Variants in NFATC1 observed in about 807,000 individuals in gnomAD.
NFATC1 encodes nuclear factor of activated T-cells, cytoplasmic 1.
A neutral mutation model predicts 76.0 loss-of-function variants in NFATC1; 22 were observed. That is an observed-to-expected ratio of 0.29 (90% CI 0.21 to 0.41). The LOEUF (loss-of-function observed/expected upper bound fraction) is 0.41. Ranked by LOEUF, NFATC1 falls within the 10% of genes least tolerant of loss-of-function variation. NFATC1 has a pLI of 1.00. For missense variants in NFATC1, 1,357 were observed against 1,337.7 expected (o/e 1.01, Z -0.23); for synonymous variants, 704 against 613.1 (o/e 1.15, Z -2.19).
At chr18:79,464,707 T>TATATATA (rs1568994833) in intron 7 of NFATC1, among the ~76,000 whole-genome samples, 2 of 117,316 alleles carry the variant, frequency 1.7e-5, no homozygotes, top group African/African-American at 8.4e-5. Context: ...TATTTATTTA[T>TATATATA]TTATTTTTTT....
intron 9 of NFATC1, among the ~76,000 whole-genome samples, chr18:79,508,723 G>T (rs2090175041): frequency 6.6e-6 from 1 of 150,594 alleles, no homozygotes; most frequent in Admixed American, 6.6e-5. Flanking sequence ...CTGAATCTCT[G>T]TCCCTCTCTC....
chr18:79,527,684 A>G lies in NFATC1; in HGVS notation c.*107A>G. The G allele has an allele frequency of 1.0e-6, 1 of 981,640 alleles. No homozygotes were observed. The highest frequency in any genetic ancestry group is 1.3e-5 in the South Asian group (1 of 74,078). The allele number at this position is 981,640 out of a possible 1,614,324, so 60.8% of individuals were successfully genotyped here. A position where few individuals can be genotyped will look rare whatever the true frequency, so the allele number is the denominator to read the frequency against. ...CACCTGGTACCACTCAGAACCTCCA[A>G]CTGACTGAATGCCAGGAGCTGAACA... On this transcript the variant is annotated 3_prime_UTR_variant, in exon 10 of 10. Transcript: ENST00000427363.
At chr18:79,518,294 T>C (rs2090432944) in intron 9 of NFATC1, among the ~76,000 whole-genome samples, 1 of 152,242 alleles carries the variant, frequency 6.6e-6, no homozygotes, top group African/African-American at 2.4e-5. Context: ...CAGTCAATTC[T>C]TTGAGACAGA....
intron 1 of NFATC1, among the ~76,000 whole-genome samples, chr18:79,409,797 A>T (rs1211127061): frequency 3.3e-5 from 5 of 152,240 alleles, no homozygotes; most frequent in African/African-American, 1.2e-4. Context: ...AGCAGAATAG[A>T]CTAAGGCGTC....
chr18:79,402,730 G>C (rs577744460), intron 1 of NFATC1, among the ~76,000 whole-genome samples: 1 of 152,326 alleles, frequency 6.6e-6, no homozygotes, highest in South Asian at 2.1e-4. Context: ...TGTACATATT[G>C]TGTTTTCCCG....
At chr18:79,507,020 C>G (rs997429988) in intron 9 of NFATC1, among the ~76,000 whole-genome samples, 1 of 152,352 alleles carries the variant, frequency 6.6e-6, no homozygotes, top group Non-Finnish European at 1.5e-5. Context: ...GACCCAGCGG[C>G]CGGGCCAGCC....
At chr18:79,523,818 A>G (rs964632539) in intron 9 of NFATC1, 8 of 152,322 alleles carry the variant, frequency 5.3e-5, no homozygotes, top group African/African-American at 1.7e-4. Context: ...GGGAAAAAAA[A>G]GCCCTCCTTA....
chr18:79,522,576 GT>G (rs1157909405), intron 9 of NFATC1, among the ~76,000 whole-genome samples: 2 of 151,990 alleles, frequency 1.3e-5, no homozygotes, highest in Non-Finnish European at 2.9e-5. Context: ...TTTTGCTTGT[GT>G]TAAAAGGCGC....
At chr18:79,400,315 G>A in intron 1 of NFATC1, 5 of 1,291,424 alleles carry the variant, frequency 3.9e-6, no homozygotes, top group Non-Finnish European at 4.9e-6. Flanking sequence ...CGCGGAGGAC[G>A]CGCGGGCAGC....
At chr18:79,444,051 C>G in intron 3 of NFATC1, among the ~76,000 whole-genome samples, 1 of 152,206 alleles carries the variant, frequency 6.6e-6, no homozygotes, top group Non-Finnish European at 1.5e-5. Flanking sequence ...AGGCCTCTCT[C>G]ATGCACTCTG....
At chr18:79,521,505 T>C (rs2090567762) in intron 9 of NFATC1, among the ~76,000 whole-genome samples, 1 of 65,494 alleles carries the variant, frequency 1.5e-5, no homozygotes, top group African/African-American at 6.0e-5. Context: ...GATGTGTGTG[T>C]CTGTGTGTGT....
intron 9 of NFATC1, among the ~76,000 whole-genome samples, chr18:79,508,694 T>C (rs1078634): frequency 0.61 from 92,198 of 151,708 alleles, 32,261 homozygotes; most frequent in Non-Finnish European, 0.79. Flanking sequence ...TGTCTCTGCC[T>C]CTTTGTCTCC....
At chr18:79,401,186 T>C (rs901257924) in intron 1 of NFATC1, among the ~76,000 whole-genome samples, 1 of 145,932 alleles carries the variant, frequency 6.9e-6, no homozygotes, top group Admixed American at 6.8e-5. Flanking sequence ...CGGGATCTCT[T>C]CTGTCCAGGT....
At position 79,524,296 on chromosome 18, in the gene NFATC1, A is replaced by G. The variant is rs983592207; in HGVS notation, c.2783-3232A>G. Among the ~76,000 whole-genome samples, 1 of 152,376 alleles carries G rather than the reference A, an allele frequency of 6.6e-6. No homozygotes were observed. The highest frequency in any genetic ancestry group is 3.4e-3 in the Middle Eastern group (1 of 294). ...GTGGCTTTCCTCTCAGGGCTACGGC[A>G]CAGGCCGTGTCTGCGGGGCGAGCAC... On this transcript the variant is annotated intron_variant, in intron 9 of 9. Coordinates refer to ENST00000427363, the MANE Select transcript of NFATC1 (RefSeq NM_001278669.2). This position sits in a 1 kb window ranked among gnomAD's most constrained non-coding sequence, Gnocchi z 7.2.
intron 9 of NFATC1, among the ~76,000 whole-genome samples, chr18:79,492,838 C>T (rs2089724280): frequency 6.8e-6 from 1 of 148,000 alleles, no homozygotes; most frequent in South Asian, 2.1e-4. Flanking sequence ...CTCGCCACTG[C>T]ACTCCAGCCT....
intron 3 of NFATC1, among the ~76,000 whole-genome samples, chr18:79,436,800 C>G (rs1232618590): frequency 1.3e-5 from 2 of 152,118 alleles, no homozygotes; most frequent in African/African-American, 4.8e-5. Context: ...CGGGGCTTCT[C>G]CCATTTAGGG....
intron 8 of NFATC1, among the ~76,000 whole-genome samples, chr18:79,481,647 C>T (rs1002337624): frequency 2.0e-5 from 3 of 152,254 alleles, no homozygotes; most frequent in Non-Finnish European, 4.4e-5. Flanking sequence ...TCAGCCCGAA[C>T]TAAGGAGAAT....
At chr18:79,424,579 A>C (rs1380183489) in intron 2 of NFATC1, among the ~76,000 whole-genome samples, 320 of 96,324 alleles carry the variant, frequency 3.3e-3, no homozygotes, top group Middle Eastern at 8.8e-3. Flanking sequence ...CTGTCTCTCC[A>C]TCTCTTTCTC....
chr18:79,424,361 C>T (rs1181402054), intron 2 of NFATC1, among the ~76,000 whole-genome samples: 2 of 152,244 alleles, frequency 1.3e-5, no homozygotes, highest in Admixed American at 6.5e-5. Context: ...AGCTGGCCTC[C>T]GAGGAGCCTC....
Sources: allele counts gnomAD v4.1 joint callset (sites outside exome capture counted in the v4.1 genomes callset), GRCh38; gene constraint gnomAD v4.1.1; non-coding constraint Gnocchi (gnomAD v3.1); transcripts MANE v1.5; gene names NCBI Gene and HGNC (gene_info 2026-07-23, HGNC 2026-07-21).